NDE1: variants seen among roughly 807,000 people sequenced by gnomAD.
NDE1 encodes nudE neurodevelopment protein 1.
Under a neutral mutation model 43.4 loss-of-function variants are expected in NDE1, and 28 were observed. That is an observed-to-expected ratio of 0.65 (90% CI 0.48 to 0.89). NDE1 has a LOEUF of 0.89. Ranked by LOEUF, NDE1 falls within the 40% of genes least tolerant of loss-of-function variation. NDE1 has a pLI of 0.00. For synonymous variants in NDE1, 184 were observed against 172.0 expected, an observed-to-expected ratio of 1.07 and a Z score of -0.55; for missense variants, 441 against 434.1, an observed-to-expected ratio of 1.02 and a Z score of -0.14.
chr16:15,656,407 C>T (rs993530236), intron 1 of NDE1, among the ~76,000 whole-genome samples: 1 of 152,144 alleles, frequency 6.6e-6, no homozygotes, highest in African/African-American at 2.4e-5. Context: ...TAATTAGAAC[C>T]TGCCCCACAA....
chr16:15,697,808 T>G, intron 8 of NDE1, among the ~76,000 whole-genome samples: 1 of 151,164 alleles, frequency 6.6e-6, no homozygotes. Flanking sequence ...TTTTTTTTTG[T>G]TTTGTTTTGT....
At chr16:15,695,174 G>A (rs1031841720) in intron 7 of NDE1, among the ~76,000 whole-genome samples, 2 of 143,478 alleles carry the variant, frequency 1.4e-5, no homozygotes, top group East Asian at 2.0e-4. Context: ...ACAGCACGAC[G>A]TTGTCTCAGA....
intron 4 of NDE1, among the ~76,000 whole-genome samples, chr16:15,684,999 A>C (rs916774492): frequency 1.3e-5 from 2 of 152,182 alleles, no homozygotes; most frequent in Non-Finnish European, 2.9e-5. Flanking sequence ...AAATCAGTCC[A>C]GTTTATTCCC....
rs754765140 is a variant in NDE1 at position 15,677,963 on chromosome 16, G to A, written c.386+14G>A. ...AAGAGCCAAGCGGTATGGGTGGAAGGGAAAAGCACGAGTGGGAGACTCTCC... is the reference window on the plus strand; with the variant it reads ...AAGAGCCAAGCGGTATGGGTGGAAGAGAAAAGCACGAGTGGGAGACTCTCC... On this transcript the variant is annotated intron_variant, in intron 4 of 8. Coordinates refer to ENST00000396354, the MANE Select transcript of NDE1 (RefSeq NM_017668.3). 6 of 1,613,854 alleles carry A rather than the reference G, an allele frequency of 3.7e-6. No homozygotes were observed. The highest frequency in any genetic ancestry group is 2.2e-5 in the South Asian group (2 of 91,080).
At position 15,725,154 on chromosome 16, in the gene NDE1, C is replaced by T; in HGVS notation, c.*903C>T. ...TCTGATAAAAAAAAAAAAAAACACACACACACACAAAAAAAACAGAATCTG... is the reference window on the plus strand; with the variant it reads ...TCTGATAAAAAAAAAAAAAAACACATACACACACAAAAAAAACAGAATCTG... On this transcript the variant is annotated 3_prime_UTR_variant, in exon 9 of 9. Coordinates refer to ENST00000396354, the MANE Select transcript of NDE1 (RefSeq NM_017668.3). The T allele has an allele frequency of 1.5e-6, 1 of 648,974 alleles. No individual in the cohort carries two copies. The highest frequency in any genetic ancestry group is 2.7e-6 in the Non-Finnish European group (1 of 370,938). 40.2% of individuals were successfully genotyped at this position (648,974 alleles called of 1,614,324 possible).
intron 8 of NDE1, 47 bp downstream of exon 8, chr16:15,696,907 G>T: frequency 6.2e-7 from 1 of 1,602,592 alleles, no homozygotes; most frequent in South Asian, 1.1e-5. Flanking sequence ...GAACCCGCCT[G>T]CCCCAGGCAA....
chr16:15,680,739 G>A (rs1199067551), intron 4 of NDE1, among the ~76,000 whole-genome samples: 1 of 151,928 alleles, frequency 6.6e-6, no homozygotes, highest in Non-Finnish European at 1.5e-5. Flanking sequence ...GGAGTTTTGC[G>A]ATGTTGGAGA....
chr16:15,682,900 A>G (rs144238092), intron 4 of NDE1, among the ~76,000 whole-genome samples: 178 of 151,950 alleles, frequency 1.2e-3, no homozygotes, highest in African/African-American at 3.9e-3. Flanking sequence ...TAATTTTTCT[A>G]TTTTTAGTAG....
intron 8 of NDE1, chr16:15,700,528 C>T (rs8048427): frequency 0.65 from 98,040 of 150,776 alleles, 32,524 homozygotes; most frequent in African/African-American, 0.78. Context: ...TTCGGCTCAC[C>T]GCAGCCTCCG....
intron 3 of NDE1, among the ~76,000 whole-genome samples, chr16:15,670,285 G>A (rs1429626058): frequency 6.6e-6 from 1 of 152,152 alleles, no homozygotes; most frequent in Admixed American, 6.6e-5. Context: ...TGCCTTCTTT[G>A]GGAAGACAAA....
At chr16:15,668,549 G>A (rs564194334) in intron 3 of NDE1, among the ~76,000 whole-genome samples, 2 of 152,306 alleles carry the variant, frequency 1.3e-5, no homozygotes, top group South Asian at 4.1e-4. Context: ...ATAGGCATGA[G>A]CCACCACCTG....
intron 5 of NDE1, among the ~76,000 whole-genome samples, chr16:15,689,956 A>G (rs1425139218): frequency 6.6e-6 from 1 of 152,088 alleles, no homozygotes; most frequent in Non-Finnish European, 1.5e-5. Context: ...AAAAAAAAAA[A>G]AAATTCAGAG....
At chr16:15,674,190 C>G (rs2037746524) in intron 3 of NDE1, among the ~76,000 whole-genome samples, 1 of 152,050 alleles carries the variant, frequency 6.6e-6, no homozygotes, top group African/African-American at 2.4e-5. Flanking sequence ...TGTCTCTCTC[C>G]TCTCCTTTTC....
intron 6 of NDE1, 38 bp from the exon 7 acceptor site, chr16:15,694,127 G>T: frequency 6.2e-7 from 1 of 1,609,576 alleles, no homozygotes; most frequent in Non-Finnish European, 8.5e-7. Context: ...CATGACTATA[G>T]GTTGGTGAGT....
chr16:15,645,239 T>C (rs1359223268), intron 1 of NDE1, among the ~76,000 whole-genome samples: 1 of 152,138 alleles, frequency 6.6e-6, no homozygotes, highest in African/African-American at 2.4e-5. Flanking sequence ...TATATTTTTC[T>C]TTTAGATTCC....
intron 1 of NDE1, among the ~76,000 whole-genome samples, chr16:15,656,562 A>T (rs1228437516): frequency 6.6e-6 from 1 of 151,418 alleles, no homozygotes; most frequent in Non-Finnish European, 1.5e-5. Context: ...TTTTTTTGAG[A>T]TGGAGTCTTG....
chr16:15,660,731 A>G (rs568599179), intron 1 of NDE1, among the ~76,000 whole-genome samples: 1 of 152,162 alleles, frequency 6.6e-6, no homozygotes, highest in South Asian at 2.1e-4. Context: ...AGCCTTGTGG[A>G]TATTTTCCAG....
chr16:15,714,798 G>T (rs1016570210), intron 8 of NDE1: 5 of 1,307,550 alleles, frequency 3.8e-6, no homozygotes, highest in Non-Finnish European at 4.4e-6. Flanking sequence ...ACCACAGAAG[G>T]GAGTGGCGGC....
intron 1 of NDE1, chr16:15,651,884 GT>G (rs1473011737): frequency 6.6e-6 from 1 of 151,944 alleles, no homozygotes; most frequent in Non-Finnish European, 1.5e-5. Flanking sequence ...ACTTATTTTT[GT>G]TTCCAAAGTG....
Sources: allele counts gnomAD v4.1 joint callset (sites outside exome capture counted in the v4.1 genomes callset), GRCh38; gene constraint gnomAD v4.1.1; transcripts MANE v1.5; gene names NCBI Gene and HGNC (gene_info 2026-07-23, HGNC 2026-07-21).